The following UBL3 variants were observed in gnomAD, a reference collection of about 807,000 sequenced individuals.
UBL3 encodes ubiquitin like 3, also known as ubiquitin-like protein 3.
Under a neutral mutation model 18.4 loss-of-function variants are expected in UBL3, and 6 were observed. That is an observed-to-expected ratio of 0.33 (90% CI 0.18 to 0.64). The LOEUF (loss-of-function observed/expected upper bound fraction) is 0.64, where lower values mean the gene tolerates loss of function less well. UBL3 is among the 30% of genes least tolerant of loss of function. The pLI, the probability that UBL3 is intolerant of heterozygous loss-of-function variation, is 0.76. For missense variants in UBL3, 109 were observed against 142.9 expected (o/e 0.76, Z 1.21); for synonymous variants, 49 against 46.6 (o/e 1.05, Z -0.21).
chr13:29,798,370 G>A (rs1420301773), intron 1 of UBL3, among the ~76,000 whole-genome samples: 4 of 152,094 alleles, frequency 2.6e-5, no homozygotes, highest in Admixed American at 1.3e-4. Context: ...TAAATCAGCT[G>A]ATTGTCCTCC....
In UBL3 at chr13:29,840,751, A is replaced by C. The variant is rs139698279; in HGVS notation, c.27+8761T>G. On this transcript the variant is annotated intron_variant, in intron 1 of 4. Transcript: ENST00000380680. ...ACTAAGAGTTTTGTCCTAAGGGAAT[A>C]ATCAGACAAGGCACAGAGATATGTT... 2.0e-5 allele frequency among the ~76,000 whole-genome samples: 3 copies of C among 152,312 alleles called. No homozygotes were observed. In the East Asian group the frequency reaches 5.8e-4, roughly 29 times the overall value.
intron 1 of UBL3, among the ~76,000 whole-genome samples, chr13:29,778,594 T>C (rs1877063592): frequency 6.6e-6 from 1 of 152,280 alleles, no homozygotes; most frequent in East Asian, 1.9e-4. Flanking sequence ...CTCTCCTTTT[T>C]AGTTACTAAT....
intron 3 of UBL3, 125 bp downstream of exon 3, chr13:29,771,987 T>C (rs1416419160): frequency 2.5e-5 from 20 of 809,008 alleles, no homozygotes; most frequent in Non-Finnish European, 2.3e-5. Context: ...ATACCAGAAA[T>C]AGGCAGAATT....
chr13:29,836,726 C>T (rs551591309), intron 1 of UBL3, among the ~76,000 whole-genome samples: 5 of 152,082 alleles, frequency 3.3e-5, no homozygotes, highest in African/African-American at 1.2e-4. Context: ...CACCAAAGGG[C>T]CAGGAATTGA....
chr13:29,804,943 C>T (rs1399426664), intron 1 of UBL3, among the ~76,000 whole-genome samples: 3 of 152,158 alleles, frequency 2.0e-5, no homozygotes, highest in Admixed American at 6.5e-5. Context: ...TGAACATACA[C>T]AACACATGTG....
intron 1 of UBL3, among the ~76,000 whole-genome samples, chr13:29,836,040 G>A (rs549271031): frequency 6.6e-6 from 1 of 152,272 alleles, no homozygotes; most frequent in South Asian, 2.1e-4. Flanking sequence ...CAGGGAATGT[G>A]AATCAAAGTA....
chr13:29,767,560 AT>A (rs2139304011), intron 4 of UBL3, 57 bp downstream of exon 4: 1 of 1,577,018 alleles, frequency 6.3e-7, no homozygotes, highest in East Asian at 2.2e-5. Flanking sequence ...AAAACCTAGC[AT>A]TTTTGAATGC....
Position 29,820,240 on chromosome 13 carries a change from G to A in UBL3, c.27+29272C>T, listed in dbSNP as rs911219592. On this transcript the variant is annotated intron_variant, in intron 1 of 4. Coordinates refer to ENST00000380680, the MANE Select transcript of UBL3 (RefSeq NM_007106.4). Reference sequence around the variant, plus strand: ...CCCAGGCTGGAGAGCTCAGTGGCTCGATCTCGGCTCACTGCAACCTCTGCC... The same window carrying A: ...CCCAGGCTGGAGAGCTCAGTGGCTCAATCTCGGCTCACTGCAACCTCTGCC... Among the ~76,000 whole-genome samples the A allele has an allele frequency of 3.5e-5, 5 of 141,158 alleles. No individual in the cohort carries two copies. In the East Asian group the frequency reaches 6.4e-4, roughly 18 times the overall value. The allele number at this position is 141,158 out of a possible 152,430, so 92.6% of individuals were successfully genotyped here. A position where few individuals can be genotyped will look rare whatever the true frequency, so the allele number is the denominator to read the frequency against.
chr13:29,799,734 G>T (rs1409054421), intron 1 of UBL3, among the ~76,000 whole-genome samples: 4 of 152,132 alleles, frequency 2.6e-5, no homozygotes, highest in Non-Finnish European at 5.9e-5. Context: ...TCCCTCTGTT[G>T]TTCTCCATCA....
intron 1 of UBL3, among the ~76,000 whole-genome samples, chr13:29,847,200 C>T (rs1458699374): frequency 2.0e-5 from 3 of 152,142 alleles, no homozygotes; most frequent in African/African-American, 7.2e-5. Context: ...GTTTAAAAGA[C>T]TTTCACAAAG....
chr13:29,787,169 T>A (rs1303432922), intron 1 of UBL3, among the ~76,000 whole-genome samples: 2 of 152,132 alleles, frequency 1.3e-5, no homozygotes, highest in Non-Finnish European at 2.9e-5. Context: ...CTATGTAAAC[T>A]GTTTTTTTTT....
At chr13:29,798,582 C>T (rs1877676280) in intron 1 of UBL3, among the ~76,000 whole-genome samples, 1 of 152,150 alleles carries the variant, frequency 6.6e-6, no homozygotes, top group South Asian at 2.1e-4. Context: ...TGCAATCATT[C>T]TACAAATTTT....
intron 1 of UBL3, among the ~76,000 whole-genome samples, chr13:29,816,638 C>G (rs900497666): frequency 2.6e-5 from 4 of 151,000 alleles, no homozygotes; most frequent in Non-Finnish European, 5.9e-5. Flanking sequence ...GCCTGTGGTC[C>G]CAACTACTCA....
chr13:29,848,696 G>T (rs1471770985), intron 1 of UBL3, among the ~76,000 whole-genome samples: 1 of 152,026 alleles, frequency 6.6e-6, no homozygotes, highest in African/African-American at 2.4e-5. Context: ...CACAAGCCCA[G>T]CCCCAGCACT....
chr13:29,783,779 G>C (rs1877238543), intron 1 of UBL3, among the ~76,000 whole-genome samples: 1 of 152,026 alleles, frequency 6.6e-6, no homozygotes, highest in Non-Finnish European at 1.5e-5. Context: ...AAAAACCTCT[G>C]CTTGTAGGGT....
chr13:29,838,878 G>A (rs760896214), intron 1 of UBL3, among the ~76,000 whole-genome samples: 5 of 151,898 alleles, frequency 3.3e-5, no homozygotes, highest in Non-Finnish European at 1.5e-5. Flanking sequence ...TGCTTAAAGA[G>A]ATTCATCTTA....
chr13:29,813,308 ATTC>A (rs57143148), intron 1 of UBL3, among the ~76,000 whole-genome samples: 4 of 152,166 alleles, frequency 2.6e-5, no homozygotes, highest in African/African-American at 4.8e-5. Flanking sequence ...CAATCATAGT[ATTC>A]TTCTTCATTT....
intron 1 of UBL3, among the ~76,000 whole-genome samples, chr13:29,796,021 T>C (rs1006619802): frequency 2.0e-5 from 3 of 151,950 alleles, no homozygotes; most frequent in African/African-American, 4.8e-5. Context: ...TCGGTTCTTA[T>C]AATTAGAAAG....
At chr13:29,823,929 T>G (rs1878547708) in intron 1 of UBL3, among the ~76,000 whole-genome samples, 1 of 145,552 alleles carries the variant, frequency 6.9e-6, no homozygotes. Context: ...CATTGTTCAA[T>G]TCCCACCTAT....
Sources: gnomAD v4.1 joint callset for allele counts (sites outside exome capture counted in the v4.1 genomes callset) on GRCh38, gnomAD v4.1.1 for gene constraint, MANE v1.5 for transcripts, NCBI Gene and HGNC (gene_info 2026-07-23, HGNC 2026-07-21) for gene names.